OXR1: variants seen among roughly 807,000 people sequenced by gnomAD.
The protein encoded by OXR1 is oxidation resistance protein 1.
A neutral mutation model predicts 104.6 loss-of-function variants in OXR1; 41 were observed. That is an observed-to-expected ratio of 0.39 (90% CI 0.31 to 0.51). The LOEUF is 0.51. OXR1 is among the 20% of genes least tolerant of loss of function. OXR1 has a pLI of 0.77. For missense variants in OXR1, 955 were observed against 1,031.9 expected, an observed-to-expected ratio of 0.93 and a Z score of 1.02; for synonymous variants, 348 against 348.4, an observed-to-expected ratio of 1.00 and a Z score of 0.01.
intron 2 of OXR1, among the ~76,000 whole-genome samples, chr8:106,453,828 G>C (rs1190948352): frequency 6.6e-6 from 1 of 152,266 alleles, no homozygotes; most frequent in Non-Finnish European, 1.5e-5. Flanking sequence ...CATAGCCTAG[G>C]TGCACAATGC....
chr8:106,309,425 A>G (rs1813603987), intron 1 of OXR1, among the ~76,000 whole-genome samples: 1 of 152,186 alleles, frequency 6.6e-6, no homozygotes, highest in Non-Finnish European at 1.5e-5. Flanking sequence ...CGACATTTAC[A>G]TAGACGATAA....
At position 106,674,405 on chromosome 8, in the gene OXR1, T is replaced by C. The variant is rs533900562; in HGVS notation, c.221-4805T>C. Among the ~76,000 whole-genome samples the C allele has an allele frequency of 5.3e-5, 8 of 152,364 alleles. 1 individual carries two copies. In the Middle Eastern group the frequency reaches 0.02, roughly 389 times the overall value. On this transcript the variant is annotated intron_variant, in intron 3 of 16. Coordinates refer to ENST00000517566, the MANE Select transcript of OXR1 (RefSeq NM_001198533.2). Reference sequence around the variant, plus strand: ...GGAACAGAGACATTTACCCAATGTCTGTACCCACATTGTGTCTTGGAAGTA... The same window carrying C: ...GGAACAGAGACATTTACCCAATGTCCGTACCCACATTGTGTCTTGGAAGTA...
At chr8:106,430,323 C>G (rs1000628826) in intron 2 of OXR1, among the ~76,000 whole-genome samples, 2 of 152,086 alleles carry the variant, frequency 1.3e-5, no homozygotes, top group African/African-American at 2.4e-5. Context: ...TTATGTTTAT[C>G]CTGTGCTTTC....
chr8:106,330,682 C>T (rs1814676722), intron 1 of OXR1, among the ~76,000 whole-genome samples: 2 of 152,144 alleles, frequency 1.3e-5, no homozygotes, highest in Admixed American at 1.3e-4. Flanking sequence ...CTCCACCTTC[C>T]CTGTGCCGGA....
intron 2 of OXR1, among the ~76,000 whole-genome samples, chr8:106,432,066 A>C (rs1432659628): frequency 1.3e-5 from 2 of 152,230 alleles, no homozygotes; most frequent in South Asian, 4.1e-4. Context: ...TCTACAAATA[A>C]TATATCTACT....
intron 2 of OXR1, among the ~76,000 whole-genome samples, chr8:106,390,040 A>C (rs1474883076): frequency 6.6e-6 from 1 of 152,090 alleles, no homozygotes; most frequent in African/African-American, 2.4e-5. Flanking sequence ...CACTCCAGCC[A>C]GGGTGACAGG....
chr8:106,305,159 A>G lies in OXR1; in HGVS notation c.-139+34792A>G, dbSNP rs578136263. Among the ~76,000 whole-genome samples the G allele has an allele frequency of 3.3e-3, 499 of 152,266 alleles. 3 individuals are homozygous for G. The highest frequency in any genetic ancestry group is 5.5e-3 in the Non-Finnish European group (374 of 67,986). On this transcript the variant is annotated intron_variant, in intron 1 of 16. Coordinates refer to ENST00000517566, the MANE Select transcript of OXR1 (RefSeq NM_001198533.2). The stretch of plus-strand genomic sequence containing the variant: ...ATATTCACTGAAATTGAAGTGTTAC[A>G]CTACTTTCTTTGCCCATGCACTCCA...
intron 11 of OXR1, among the ~76,000 whole-genome samples, chr8:106,732,524 T>G (rs753229539): frequency 3.9e-4 from 59 of 152,168 alleles, no homozygotes; most frequent in Non-Finnish European, 1.0e-4. Flanking sequence ...CTGAATTTTT[T>G]TAATACATGT....
At chr8:106,560,804 G>A (rs1401838197) in intron 3 of OXR1, among the ~76,000 whole-genome samples, 1 of 152,188 alleles carries the variant, frequency 6.6e-6, no homozygotes, top group Non-Finnish European at 1.5e-5. Context: ...TTCCAATGGA[G>A]GTACCGAGTT....
chr8:106,653,465 C>T (rs1444975956), intron 3 of OXR1, among the ~76,000 whole-genome samples: 1 of 151,788 alleles, frequency 6.6e-6, no homozygotes, highest in Middle Eastern at 3.2e-3. Flanking sequence ...TTAATTAATG[C>T]AAACACTATA....
intron 2 of OXR1, among the ~76,000 whole-genome samples, chr8:106,501,650 GA>G (rs1360954581): frequency 1.3e-5 from 2 of 152,124 alleles, no homozygotes; most frequent in Non-Finnish European, 2.9e-5. Context: ...TCCTTGTTCT[GA>G]AATGCCTCCT....
At chr8:106,417,445 C>A (rs1361252402) in intron 2 of OXR1, among the ~76,000 whole-genome samples, 3 of 152,076 alleles carry the variant, frequency 2.0e-5, no homozygotes, top group Non-Finnish European at 2.9e-5. Flanking sequence ...TTCTCCAGAA[C>A]TAATTATTTG....
At chr8:106,678,983 C>A (rs551013607) in intron 3 of OXR1, among the ~76,000 whole-genome samples, 1 of 152,022 alleles carries the variant, frequency 6.6e-6, no homozygotes, top group East Asian at 1.9e-4. Flanking sequence ...TTTGCGTTGA[C>A]TTGCAATTAT....
At chr8:106,618,107 C>T (rs973994978) in intron 3 of OXR1, 1 of 1,535,954 alleles carries the variant, frequency 6.5e-7, no homozygotes, top group Admixed American at 2.0e-5. Context: ...TTCCTGTCTC[C>T]TCTTCTTGAA....
chr8:106,600,008 G>A (rs1167833000), intron 3 of OXR1, among the ~76,000 whole-genome samples: 1 of 152,236 alleles, frequency 6.6e-6, no homozygotes, highest in Non-Finnish European at 1.5e-5. Context: ...AGGAGGCAGA[G>A]ATCAGGCAGT....
At chr8:106,451,042 G>C (rs1820285928) in intron 2 of OXR1, among the ~76,000 whole-genome samples, 1 of 151,948 alleles carries the variant, frequency 6.6e-6, no homozygotes, top group South Asian at 2.1e-4. Context: ...AACCTATCAA[G>C]GCTAAAGATG....
intron 2 of OXR1, among the ~76,000 whole-genome samples, chr8:106,483,263 G>A (rs1023531035): frequency 6.6e-6 from 1 of 152,002 alleles, no homozygotes; most frequent in Non-Finnish European, 1.5e-5. Flanking sequence ...AGACAAAATG[G>A]CAACTTTGTG....
intron 11 of OXR1, among the ~76,000 whole-genome samples, chr8:106,732,002 T>A (rs895913071): frequency 1.3e-5 from 2 of 152,206 alleles, no homozygotes; most frequent in Non-Finnish European, 2.9e-5. Flanking sequence ...AACTGACAGC[T>A]TGACAATATT....
At chr8:106,381,353 T>G (rs961618148) in intron 2 of OXR1, among the ~76,000 whole-genome samples, 14 of 151,910 alleles carry the variant, frequency 9.2e-5, no homozygotes, top group Non-Finnish European at 1.5e-4. Context: ...AGGAGGCTGG[T>G]GAGGAGATGG....
Sources: allele counts gnomAD v4.1 joint callset (sites outside exome capture counted in the v4.1 genomes callset), GRCh38; gene constraint gnomAD v4.1.1; transcripts MANE v1.5; gene names NCBI Gene and HGNC (gene_info 2026-07-23, HGNC 2026-07-21).